TENM1: variants seen among roughly 807,000 people sequenced by gnomAD.
TENM1 encodes teneurin-1.
A neutral mutation model predicts 174.8 loss-of-function variants in TENM1; 35 were observed. The ratio of observed to expected loss-of-function variants is 0.20; its 90% CI spans 0.15 to 0.27. TENM1 has a LOEUF of 0.27. Among genes scored for constraint, TENM1 ranks in the 10% least tolerant of loss-of-function variants. The probability of loss-of-function intolerance (pLI) is 1.00; values close to 1 mark genes in which losing one functional copy is unlikely to be tolerated. For missense variants in TENM1, 1,633 were observed against 2,130.1 expected (o/e 0.77, Z 4.59); for synonymous variants, 781 against 798.7 (o/e 0.98, Z 0.37).
exon 27 of TENM1, chrX:124,405,118 G>A (rs767488809): frequency 4.1e-6 from 5 of 1,209,567 alleles, no homozygotes; most frequent in East Asian, 3.0e-5. Flanking sequence ...TGTGCTCTCC[G>A]GGCAATGAGA....
At chrX:124,697,137 C>T (rs999209130) in intron 5 of TENM1, among the ~76,000 whole-genome samples, 6 of 111,436 alleles carry the variant, frequency 5.4e-5, no homozygotes, top group Non-Finnish European at 9.5e-5. Context: ...ACATCCAACC[C>T]AATAATCAAA....
the TENM1 span, among the ~76,000 whole-genome samples, chrX:125,063,496 C>T: frequency 1.7e-4 from 19 of 111,564 alleles, no homozygotes; most frequent in East Asian, 3.4e-3. Flanking sequence ...AACAAGTGGG[C>T]GAAGCATATG....
At chrX:124,896,373 C>T in intron 1 of TENM1, 132 bp from the exon 5 acceptor site, 2 of 674,367 alleles carry the variant, frequency 3.0e-6, no homozygotes, top group Non-Finnish European at 4.3e-6. Context: ...AGAATTCTGG[C>T]CTTTTATTCA....
At chrX:124,992,954 C>T in the TENM1 span, among the ~76,000 whole-genome samples, 9 of 110,637 alleles carry the variant, frequency 8.1e-5, no homozygotes, top group African/African-American at 2.6e-4. Context: ...AGAGGGCCAA[C>T]GAGAAAGCTC....
chrX:124,974,888 C>CTATATATATATATTATATATA, the TENM1 span, among the ~76,000 whole-genome samples: 1 of 72,727 alleles, frequency 1.4e-5, no homozygotes, highest in African/African-American at 5.5e-5. Context: ...GGGACTGACA[C>CTATATATATATATTATATATA]TATATATATA....
chrX:124,846,099 A>G (rs1316588093), intron 3 of TENM1, among the ~76,000 whole-genome samples: 1 of 110,073 alleles, frequency 9.1e-6, no homozygotes, highest in African/African-American at 3.3e-5. Context: ...GCCCCACATC[A>G]TGCTAGGTAT....
the TENM1 span, among the ~76,000 whole-genome samples, chrX:125,071,251 C>T: frequency 9.0e-6 from 1 of 111,612 alleles, no homozygotes; most frequent in Non-Finnish European, 1.9e-5. Context: ...ACTAATGAAA[C>T]ATTTTATTTC....
exon 15 of TENM1, chrX:124,546,982 T>C: frequency 8.3e-7 from 1 of 1,211,164 alleles, no homozygotes; most frequent in Non-Finnish European, 1.1e-6. Context: ...GAAGAGAGTT[T>C]GGCTTTGCTG....
At chrX:124,909,809 T>C (rs1429081098) in intron 1 of TENM1, among the ~76,000 whole-genome samples, 1 of 112,346 alleles carries the variant, frequency 8.9e-6, no homozygotes, top group African/African-American at 3.2e-5. Flanking sequence ...TTTGAAATTA[T>C]TTAACAACAT....
intron 14 of TENM1, among the ~76,000 whole-genome samples, chrX:124,561,373 C>G: frequency 9.0e-6 from 1 of 110,836 alleles, no homozygotes; most frequent in African/African-American, 3.3e-5. Flanking sequence ...CCACCCAGAG[C>G]ATTAATTTTC....
chrX:124,567,547 G>A (rs1399215449), intron 11 of TENM1, among the ~76,000 whole-genome samples: 2 of 112,041 alleles, frequency 1.8e-5, no homozygotes, highest in Non-Finnish European at 1.9e-5. Context: ...TTTAGGAAGA[G>A]CTGTACTGAT....
At chrX:124,571,767 A>G (rs912377990) in intron 11 of TENM1, among the ~76,000 whole-genome samples, 2 of 111,526 alleles carry the variant, frequency 1.8e-5, no homozygotes, top group African/African-American at 6.5e-5. Flanking sequence ...ACCTGAGTAC[A>G]CATTAAAAAC....
At chrX:124,607,506 T>C (rs2050187239) in intron 11 of TENM1, among the ~76,000 whole-genome samples, 1 of 110,377 alleles carries the variant, frequency 9.1e-6, no homozygotes, top group South Asian at 3.8e-4. Context: ...ATGAGAATAC[T>C]GAAGAAAAAA....
intron 18 of TENM1, among the ~76,000 whole-genome samples, chrX:124,505,877 T>C (rs2047436577): frequency 9.0e-6 from 1 of 111,520 alleles, no homozygotes; most frequent in African/African-American, 3.3e-5. Context: ...ACTAACACTC[T>C]AAATTGCATT....
intron 1 of TENM1, among the ~76,000 whole-genome samples, chrX:124,913,764 T>A (rs2057876008): frequency 8.9e-6 from 1 of 111,830 alleles, no homozygotes; most frequent in Non-Finnish European, 1.9e-5. Flanking sequence ...GGCATATGCT[T>A]ATACCAATTT....
In TENM1 at chrX:124,922,546, AT is replaced by A. The variant is rs1444682779; in HGVS notation, c.218-26306del. ...TCTTTTTCTGTTCCTGAGTTGAAAG[AT>A]TTTTTTCAATATTTCTTTAAATTCA... On this transcript the variant is annotated intron_variant, in intron 1 of 31. Transcript: ENST00000422452. Among the ~76,000 whole-genome samples the A allele has an allele frequency of 1.6e-4, 18 of 110,505 alleles. No individual in the cohort carries two copies. In the East Asian group the frequency reaches 3.4e-3, roughly 21 times the overall value.
At chrX:124,694,742 C>A (rs2052609215) in intron 5 of TENM1, among the ~76,000 whole-genome samples, 1 of 111,831 alleles carries the variant, frequency 8.9e-6, no homozygotes, top group African/African-American at 3.3e-5. Flanking sequence ...CAGTTCCATG[C>A]ATCTATGAGA....
intron 3 of TENM1, among the ~76,000 whole-genome samples, chrX:124,869,804 A>T (rs2057075394): frequency 9.7e-6 from 1 of 103,183 alleles, no homozygotes; most frequent in Non-Finnish European, 2.0e-5. Flanking sequence ...CAGAGAGTAG[A>T]TGAATGGTTA....
exon 30 of TENM1, chrX:124,384,245 C>T (rs2060193717): frequency 2.5e-6 from 3 of 1,210,077 alleles, no homozygotes; most frequent in South Asian, 1.8e-5. Flanking sequence ...AATATCATTT[C>T]CCCTCTGCCT....
Sources: gnomAD v4.1 joint callset for allele counts (sites outside exome capture counted in the v4.1 genomes callset) on GRCh38, gnomAD v4.1.1 for gene constraint, MANE v1.5 for transcripts, NCBI Gene and HGNC (gene_info 2026-07-23, HGNC 2026-07-21) for gene names.